The following METTL15 variants were observed in gnomAD, a reference collection of about 807,000 sequenced individuals.
METTL15 encodes the protein 12S rRNA N(4)-cytidine methyltransferase METTL15.
In METTL15, 34 loss-of-function variants were observed where a neutral mutation model predicts 38.3. The ratio of observed to expected loss-of-function variants is 0.89; its 90% CI spans 0.68 to 1.18. The LOEUF (loss-of-function observed/expected upper bound fraction) is 1.18. Among genes scored for constraint, METTL15 ranks in the 50% most tolerant of loss-of-function variants. The probability of loss-of-function intolerance (pLI) is 0.00; values close to 1 mark genes in which losing one functional copy is unlikely to be tolerated. For missense variants in METTL15, 438 were observed against 498.4 expected, an observed-to-expected ratio of 0.88 and a Z score of 1.15; for synonymous variants, 162 against 170.9, an observed-to-expected ratio of 0.95 and a Z score of 0.41.
chr11:28,160,265 A>AAT (rs1020534060), intron 3 of METTL15, among the ~76,000 whole-genome samples: 27 of 152,040 alleles, frequency 1.8e-4, no homozygotes, highest in African/African-American at 3.9e-4. Flanking sequence ...TCGTTATTGG[A>AAT]ATATATATAT....
chr11:28,498,436 G>A (rs1851554465), intron 6 of METTL15, among the ~76,000 whole-genome samples: 1 of 152,148 alleles, frequency 6.6e-6, no homozygotes, highest in Admixed American at 6.6e-5. Context: ...GGGATTACAG[G>A]CGTGAGCCAC....
At chr11:28,457,106 A>C (rs1446340221) in intron 6 of METTL15, among the ~76,000 whole-genome samples, 4 of 152,220 alleles carry the variant, frequency 2.6e-5, no homozygotes, top group Non-Finnish European at 5.9e-5. Flanking sequence ...TACTGCAACT[A>C]TTCTTGGTAC....
At chr11:28,486,523 T>C (rs1238489593) in intron 6 of METTL15, among the ~76,000 whole-genome samples, 2 of 152,168 alleles carry the variant, frequency 1.3e-5, no homozygotes, top group African/African-American at 4.8e-5. Context: ...CCAATGAGAC[T>C]GAGCCTTTCA....
chr11:28,170,310 T>A (rs375158185), intron 3 of METTL15, among the ~76,000 whole-genome samples: 1 of 152,066 alleles, frequency 6.6e-6, no homozygotes, highest in African/African-American at 2.4e-5. Context: ...CTCCAGATAA[T>A]GAATTTCTTG....
chr11:28,408,514 A>C (rs1297551369), intron 5 of METTL15, among the ~76,000 whole-genome samples: 2 of 152,214 alleles, frequency 1.3e-5, no homozygotes, highest in African/African-American at 4.8e-5. Context: ...ATGTATAAGA[A>C]TAGTTTTTAA....
chr11:28,219,607 T>C (rs1853090362), intron 4 of METTL15, among the ~76,000 whole-genome samples: 2 of 152,144 alleles, frequency 1.3e-5, no homozygotes, highest in Admixed American at 1.3e-4. Context: ...TGCTAGCTTT[T>C]GAATGTGTGT....
chr11:28,398,341 GT>G (rs1270474089), intron 5 of METTL15, among the ~76,000 whole-genome samples: 1 of 152,032 alleles, frequency 6.6e-6, no homozygotes, highest in Non-Finnish European at 1.5e-5. Flanking sequence ...AGCATCTGTT[GT>G]TTCCTGACTT....
intron 3 of METTL15, among the ~76,000 whole-genome samples, chr11:28,189,983 C>CT (rs1851642243): frequency 6.6e-6 from 1 of 151,112 alleles, no homozygotes; most frequent in Admixed American, 6.6e-5. Flanking sequence ...AGGGCTCCTG[C>CT]TAGAGTTCCA....
intron 4 of METTL15, among the ~76,000 whole-genome samples, chr11:28,223,632 C>G (rs1341525353): frequency 1.3e-5 from 2 of 151,884 alleles, no homozygotes; most frequent in African/African-American, 4.8e-5. Context: ...TTAAAAAATC[C>G]CATGTCCTTT....
At chr11:28,237,162 G>T (rs1198223399) in intron 4 of METTL15, among the ~76,000 whole-genome samples, 1 of 152,048 alleles carries the variant, frequency 6.6e-6, no homozygotes, top group Non-Finnish European at 1.5e-5. Flanking sequence ...TTGCTAGTTT[G>T]GGGAAGTTCT....
At chr11:28,395,835 C>G (rs1489299722) in intron 5 of METTL15, among the ~76,000 whole-genome samples, 1 of 152,080 alleles carries the variant, frequency 6.6e-6, no homozygotes, top group African/African-American at 2.4e-5. Context: ...AACATCGATG[C>G]AAAAATCCTC....
downstream of METTL15, among the ~76,000 whole-genome samples, chr11:28,337,815 C>T (rs1396836657): frequency 6.6e-6 from 1 of 152,016 alleles, no homozygotes; most frequent in Non-Finnish European, 1.5e-5. Flanking sequence ...TACCATTTAG[C>T]CTAGGTGTGT....
At chr11:28,468,177 C>T (rs934730163) in intron 6 of METTL15, among the ~76,000 whole-genome samples, 12 of 152,198 alleles carry the variant, frequency 7.9e-5, no homozygotes, top group Admixed American at 6.5e-5. Context: ...CTAGGAAGTT[C>T]GGATAAGCCC....
intron 6 of METTL15, among the ~76,000 whole-genome samples, chr11:28,444,485 G>C (rs1469785832): frequency 1.3e-5 from 2 of 152,120 alleles, no homozygotes; most frequent in Non-Finnish European, 2.9e-5. Context: ...TTATAAGTTA[G>C]TGCAGACAGT....
intron 3 of METTL15, among the ~76,000 whole-genome samples, chr11:28,153,275 A>G (rs1369449855): frequency 6.6e-6 from 1 of 152,248 alleles, no homozygotes; most frequent in East Asian, 1.9e-4. Flanking sequence ...TACCTCTGAC[A>G]TAACTACGCA....
At chr11:28,211,024 T>C in intron 3 of METTL15, 38 bp from the exon 4 acceptor site, 1 of 1,578,486 alleles carries the variant, frequency 6.3e-7, no homozygotes, top group Non-Finnish European at 8.6e-7. Flanking sequence ...AAGTTTTGTT[T>C]ATGCTAAGTT....
At chr11:28,234,807 T>G (rs1417065418) in intron 4 of METTL15, among the ~76,000 whole-genome samples, 5 of 143,532 alleles carry the variant, frequency 3.5e-5, no homozygotes, top group Admixed American at 2.1e-4. Context: ...CTCTTTAGTT[T>G]AATTAGATCC....
At chr11:28,475,034 G>A (rs2133467471) in intron 6 of METTL15, among the ~76,000 whole-genome samples, 1 of 152,250 alleles carries the variant, frequency 6.6e-6, no homozygotes, top group Admixed American at 6.5e-5. Flanking sequence ...GATAGCCAAA[G>A]GTGGTTATTT....
At chr11:28,449,029 A>G (rs555228475) in intron 6 of METTL15, among the ~76,000 whole-genome samples, 1 of 152,110 alleles carries the variant, frequency 6.6e-6, no homozygotes, top group Non-Finnish European at 1.5e-5. Flanking sequence ...AATAAACTTC[A>G]GTTCTCTTTG....
Sources: gnomAD v4.1 joint callset for allele counts (sites outside exome capture counted in the v4.1 genomes callset) on GRCh38, gnomAD v4.1.1 for gene constraint, MANE v1.5 for transcripts, NCBI Gene and HGNC (gene_info 2026-07-23, HGNC 2026-07-21) for gene names.